Variants in NOMO3 observed in about 807,000 individuals in gnomAD.
NOMO3 encodes NODAL modulator 3.
A neutral mutation model predicts 69.9 loss-of-function variants in NOMO3; 15 were observed. The observed-to-expected ratio is 0.21, with a 90% confidence interval of 0.14 to 0.33. NOMO3 has a LOEUF of 0.33. Ranked by LOEUF, NOMO3 falls within the 10% of genes least tolerant of loss-of-function variation. NOMO3 has a pLI of 1.00. For missense variants in NOMO3, 218 were observed against 761.0 expected (o/e 0.29, Z 8.39); for synonymous variants, 89 against 301.9 (o/e 0.29, Z 7.31).
chr16:16,243,036 A>T, intron 3 of NOMO3, 125 bp from the exon 4 acceptor site: 2 of 1,301,016 alleles, frequency 1.5e-6, no homozygotes, highest in Middle Eastern at 2.8e-4. Flanking sequence ...CGAGTGTATT[A>T]AGTGTTCAAA....
intron 13 of NOMO3, 77 bp downstream of exon 13, chr16:16,263,292 T>G: frequency 1.3e-6 from 2 of 1,594,268 alleles, no homozygotes; most frequent in Non-Finnish European, 1.7e-6. Context: ...GGAAACTTTT[T>G]GTTTTGCCTT....
chr16:16,268,522 A>G (rs1168401005), intron 16 of NOMO3, among the ~76,000 whole-genome samples: 1 of 143,622 alleles, frequency 7.0e-6, no homozygotes, highest in Non-Finnish European at 1.5e-5. Context: ...CCAAGATAAA[A>G]TACAAACTCC....
intron 15 of NOMO3, 114 bp downstream of exon 15, chr16:16,265,293 G>A: frequency 3.2e-6 from 5 of 1,574,958 alleles, no homozygotes; most frequent in Non-Finnish European, 4.3e-6. Flanking sequence ...TTCCTTTTCT[G>A]CCTCTGCACT....
chr16:16,238,489 G>T (rs1353879446), intron 2 of NOMO3, among the ~76,000 whole-genome samples: 1 of 141,892 alleles, frequency 7.0e-6, no homozygotes. Flanking sequence ...GCCCACCTCA[G>T]CCTCCCAGAG....
chr16:16,239,580 CAGTG>C (rs1233040427), intron 2 of NOMO3, among the ~76,000 whole-genome samples: 1 of 124,332 alleles, frequency 8.0e-6, no homozygotes, highest in Non-Finnish European at 1.6e-5. Context: ...TATTAAAAGA[CAGTG>C]AGTGGCTGAA....
chr16:16,270,282 T>C (rs553599443), intron 17 of NOMO3, 98 bp downstream of exon 17: 7 of 1,583,262 alleles, frequency 4.4e-6, no homozygotes, highest in East Asian at 5.1e-5. Context: ...CTGTTTTTTT[T>C]CTGAAAGAGG....
rs937243292 is a variant in NOMO3 at position 16,246,652 on chromosome 16, T to G, written c.510-743T>G. Among the ~76,000 whole-genome samples, 383 of 131,480 alleles carry G rather than the reference T, an allele frequency of 2.9e-3. 12 individuals carry two copies. The highest frequency in any genetic ancestry group is 1.0e-3 in the Non-Finnish European group (67 of 65,106). 86.3% of individuals were successfully genotyped at this position (131,480 alleles called of 152,430 possible). On this transcript the variant is annotated intron_variant, in intron 5 of 30. Coordinates refer to ENST00000399336, the MANE Select transcript of NOMO3 (RefSeq NM_001004067.4). ...ACAGAAGAAGAAATCAAATGCGTTT[T>G]CTAGTTCATTTCACCGGACTTAGCC...
intron 4 of NOMO3, among the ~76,000 whole-genome samples, 183 bp downstream of exon 4, chr16:16,243,444 G>T (rs2049390982): frequency 7.0e-6 from 1 of 143,750 alleles, no homozygotes; most frequent in South Asian, 2.2e-4. Context: ...GGTGTATTTA[G>T]GAATGAGATT....
chr16:16,232,629 G>A lies in NOMO3; in HGVS notation c.-38G>A, dbSNP rs1374576769. 2.0e-3 allele frequency: 869 copies of A among 438,576 alleles called. 4 individuals carry two copies. Among genetic ancestry groups the A allele is most frequent in the Admixed American group, 2.9e-3 (63 of 21,510 alleles). The allele number at this position is 438,576 out of a possible 1,614,324, so 27.2% of individuals were successfully genotyped here. A position where few individuals can be genotyped will look rare whatever the true frequency, so the allele number is the denominator to read the frequency against. On this transcript the variant is annotated 5_prime_UTR_variant, in exon 1 of 31. Coordinates refer to ENST00000399336, the MANE Select transcript of NOMO3 (RefSeq NM_001004067.4). ...GCGTGCAGTGTGAGGGGCGGGACCC[G>A]GCTGCCGGCGGTGGGTCTAGCTGGG...
chr16:16,244,047 C>T lies in NOMO3; in HGVS notation c.402+786C>T, dbSNP rs150080107. On this transcript the variant is annotated intron_variant, in intron 4 of 30. Transcript: ENST00000399336. Reference sequence around the variant, plus strand: ...CGGTGGTGTGAATTTAGAGTCCTAACGGGTGTGTGCCCAGCTCCCGTGATT... The same window carrying T: ...CGGTGGTGTGAATTTAGAGTCCTAATGGGTGTGTGCCCAGCTCCCGTGATT... Among the ~76,000 whole-genome samples, 495 of 143,766 alleles carry T rather than the reference C, an allele frequency of 3.4e-3. 27 individuals carry two copies. Among genetic ancestry groups the T allele is most frequent in the South Asian group, 0.025 (112 of 4,512 alleles). 94.3% of individuals were successfully genotyped at this position (143,766 alleles called of 152,430 possible).
At chr16:16,259,505 T>G (rs1727623767) in intron 11 of NOMO3, among the ~76,000 whole-genome samples, 2 of 128,938 alleles carry the variant, frequency 1.6e-5, no homozygotes. Flanking sequence ...AATTTTTATA[T>G]TTTTTAGTAG....
At chr16:16,270,303 C>T (rs2049652253) in intron 17 of NOMO3, 119 bp downstream of exon 17, 4 of 1,513,494 alleles carry the variant, frequency 2.6e-6, no homozygotes, top group Non-Finnish European at 2.7e-6. Context: ...CAAGGTTAGG[C>T]CTTCAACAGC....
At position 16,244,119 on chromosome 16, in the gene NOMO3, G is replaced by T. The variant is rs531140739; in HGVS notation, c.402+858G>T. Among the ~76,000 whole-genome samples the T allele has an allele frequency of 7.0e-5, 10 of 143,048 alleles. 1 individual carries two copies. The highest frequency in any genetic ancestry group is 2.3e-4 in the African/African-American group (8 of 35,256). The allele number at this position is 143,048 out of a possible 152,430, so 93.8% of individuals were successfully genotyped here. Reference sequence around the variant, plus strand: ...TTTCTCCTCCACCCGCCCTGTGCCTGCGGTTGAGATGTGCTTCCTTCCTTC... The same window carrying T: ...TTTCTCCTCCACCCGCCCTGTGCCTTCGGTTGAGATGTGCTTCCTTCCTTC... On this transcript the variant is annotated intron_variant, in intron 4 of 30. Transcript: ENST00000399336.
chr16:16,233,560 C>T (rs2049300660), intron 1 of NOMO3, among the ~76,000 whole-genome samples: 1 of 99,984 alleles, frequency 1.0e-5, no homozygotes, highest in African/African-American at 4.1e-5. Context: ...TTTATCAGCC[C>T]GGTGGGATTA....
At position 16,232,627 on chromosome 16, in the gene NOMO3, C is replaced by T; in HGVS notation, c.-40C>T. 1 of 435,624 alleles carries T rather than the reference C, an allele frequency of 2.3e-6. No homozygotes were observed. The highest frequency in any genetic ancestry group is 3.8e-6 in the Non-Finnish European group (1 of 261,584). 27.0% of individuals were successfully genotyped at this position (435,624 alleles called of 1,614,324 possible). On this transcript the variant is annotated 5_prime_UTR_variant, in exon 1 of 31. Coordinates refer to ENST00000399336, the MANE Select transcript of NOMO3 (RefSeq NM_001004067.4). Reference sequence around the variant, plus strand: ...CGGCGTGCAGTGTGAGGGGCGGGACCCGGCTGCCGGCGGTGGGTCTAGCTG... The same window carrying T: ...CGGCGTGCAGTGTGAGGGGCGGGACTCGGCTGCCGGCGGTGGGTCTAGCTG...
intron 4 of NOMO3, among the ~76,000 whole-genome samples, chr16:16,244,216 C>G (rs1187169183): frequency 7.0e-6 from 1 of 142,286 alleles, no homozygotes; most frequent in Non-Finnish European, 1.5e-5. Flanking sequence ...TCCATCCCAG[C>G]TGTATGTGTG....
At position 16,235,921 on chromosome 16, in the gene NOMO3, C is replaced by T. The variant is rs1386127315; in HGVS notation, c.166-980C>T. 20 of 427,062 alleles carry T rather than the reference C, an allele frequency of 4.7e-5. 1 individual carries two copies. The East Asian group carries it at 5.7e-4, about 12-fold the overall frequency. The allele number at this position is 427,062 out of a possible 1,614,324, so 26.5% of individuals were successfully genotyped here. A position where few individuals can be genotyped will look rare whatever the true frequency, so the allele number is the denominator to read the frequency against. ...GCTCTATGTCTGCACCTGAAGAAAC[C>T]GAACACGAGCTTGCCCAAGGCCACG... On this transcript the variant is annotated intron_variant, in intron 1 of 30. Coordinates refer to ENST00000399336, the MANE Select transcript of NOMO3 (RefSeq NM_001004067.4).
chr16:16,240,379 G>A (rs2141247349), intron 3 of NOMO3, among the ~76,000 whole-genome samples: 1 of 144,624 alleles, frequency 6.9e-6, no homozygotes, highest in African/African-American at 2.7e-5. Flanking sequence ...CTTTGGGCAA[G>A]TTACTTCCCC....
At chr16:16,245,594 G>A (rs62032162) in intron 5 of NOMO3, among the ~76,000 whole-genome samples, 1 of 134,594 alleles carries the variant, frequency 7.4e-6, no homozygotes. Flanking sequence ...GTGGTGGCAT[G>A]CTTCTGTGGT....
Sources: gnomAD v4.1 joint callset for allele counts (sites outside exome capture counted in the v4.1 genomes callset) on GRCh38, gnomAD v4.1.1 for gene constraint, MANE v1.5 for transcripts, NCBI Gene and HGNC (gene_info 2026-07-23, HGNC 2026-07-21) for gene names.